SEMA4D: variants seen among roughly 807,000 people sequenced by gnomAD.
SEMA4D encodes the protein semaphorin-4D.
In SEMA4D, 22 loss-of-function variants were observed where a neutral mutation model predicts 74.8. That is an observed-to-expected ratio of 0.29 (90% CI 0.21 to 0.42). The LOEUF (loss-of-function observed/expected upper bound fraction) is 0.42, where lower values mean the gene tolerates loss of function less well. Among genes scored for constraint, SEMA4D ranks in the 10% least tolerant of loss-of-function variants. The pLI is 1.00. For synonymous variants in SEMA4D, 445 were observed against 463.7 expected (o/e 0.96, Z 0.52); for missense variants, 937 against 1,118.4 (o/e 0.84, Z 2.31).
intron 1 of SEMA4D, among the ~76,000 whole-genome samples, chr9:89,479,077 A>G (rs1378132672): frequency 6.6e-6 from 1 of 152,174 alleles, no homozygotes; most frequent in Non-Finnish European, 1.5e-5. Flanking sequence ...AGGGCTGCCC[A>G]CTGGAGCTCC....
At chr9:89,425,869 G>A (rs1481022665) in intron 2 of SEMA4D, among the ~76,000 whole-genome samples, 1 of 152,216 alleles carries the variant, frequency 6.6e-6, no homozygotes, top group Non-Finnish European at 1.5e-5. Flanking sequence ...CTGTGCTGAG[G>A]CTCCACCTGC....
At chr9:89,375,159 C>T (rs1237979198), downstream of SEMA4D, among the ~76,000 whole-genome samples, 4 of 152,214 alleles carry the variant, frequency 2.6e-5, no homozygotes, top group East Asian at 1.9e-4. Flanking sequence ...GAGACCCGCC[C>T]GCTTCCCAGC....
intron 2 of SEMA4D, among the ~76,000 whole-genome samples, chr9:89,438,972 T>A (rs1851096622): frequency 1.7e-5 from 1 of 57,598 alleles, no homozygotes; most frequent in Admixed American, 1.8e-4. Context: ...GCCTTTTTTT[T>A]TTTTTTTTTT....
At chr9:89,437,317 C>T (rs1178593575) in intron 2 of SEMA4D, among the ~76,000 whole-genome samples, 3 of 152,224 alleles carry the variant, frequency 2.0e-5, no homozygotes, top group African/African-American at 7.2e-5. Flanking sequence ...GCGGCAGGCA[C>T]CTGCCCTCAG....
intron 1 of SEMA4D, chr9:89,472,222 G>A (rs1860542211): frequency 1.2e-5 from 3 of 246,944 alleles, no homozygotes; most frequent in Admixed American, 1.0e-4. Flanking sequence ...ACTGGTGGAG[G>A]GTAAAGAACA....
intron 13 of SEMA4D, chr9:89,384,994 G>A (rs940496284): frequency 1.8e-5 from 18 of 985,336 alleles, no homozygotes; most frequent in Non-Finnish European, 2.2e-5. Flanking sequence ...GGCTCCTACA[G>A]AGACAGGCGG....
At position 89,395,196 on chromosome 9, in the gene SEMA4D, C is replaced by A. The variant is rs767498607; in HGVS notation, c.414+1541G>T. On this transcript the variant is annotated intron_variant, in intron 6 of 15. Coordinates refer to ENST00000422704, the MANE Select transcript of SEMA4D (RefSeq NM_001371194.2). Reference sequence around the variant, plus strand: ...ATACCAGCACTTTGGGAGGCCAAGGCGGGTGGATCACCTCAGGTCAGGAGT... The same window carrying A: ...ATACCAGCACTTTGGGAGGCCAAGGAGGGTGGATCACCTCAGGTCAGGAGT... Among the ~76,000 whole-genome samples, 4 of 152,168 alleles carry A rather than the reference C, an allele frequency of 2.6e-5. No homozygotes were observed. The East Asian group carries it at 7.7e-4, about 29-fold the overall frequency.
downstream of SEMA4D, chr9:89,377,164 C>A (rs1024090303): frequency 1.4e-6 from 2 of 1,431,166 alleles, no homozygotes; most frequent in Non-Finnish European, 1.8e-6. Context: ...AAGAGCGAGC[C>A]CAGCTGTCCC....
intron 6 of SEMA4D, among the ~76,000 whole-genome samples, chr9:89,394,523 G>C (rs1353129498): frequency 6.6e-6 from 1 of 152,270 alleles, no homozygotes; most frequent in Non-Finnish European, 1.5e-5. Context: ...CCGGGAACCA[G>C]AGAGCACACA....
In SEMA4D at chr9:89,388,952, G is replaced by A. The variant is rs1263241862; in HGVS notation, c.870C>T (p.Phe290=). The A allele has an allele frequency of 6.2e-7, 1 of 1,614,014 alleles. No homozygotes were observed. The highest frequency in any genetic ancestry group is 1.3e-5 in the African/African-American group (1 of 74,904). Residue 290 remains phenylalanine (F), a synonymous_variant, in exon 10 of 16, where the codon TTC becomes TTT. Coordinates refer to ENST00000422704, the MANE Select transcript of SEMA4D (RefSeq NM_001371194.2). ...ICSRPDSGLV[F]NVLRDVFVLR... ...GCACGAAGACATCCCGCAGCACATT[G>A]AAGACCAAGCCGCTGTCTGGCCGGG...
intron 2 of SEMA4D, among the ~76,000 whole-genome samples, chr9:89,452,471 C>G (rs1042144830): frequency 3.3e-5 from 5 of 151,870 alleles, no homozygotes; most frequent in African/African-American, 1.2e-4. Context: ...AGCCACCGCA[C>G]CCAGCCTTTT....
intron 6 of SEMA4D, 48 bp from the exon 7 acceptor site, chr9:89,393,703 A>C: frequency 7.2e-7 from 1 of 1,384,798 alleles, no homozygotes; most frequent in South Asian, 1.2e-5. Context: ...CTGAATTTCT[A>C]TAGTAACAAT....
At chr9:89,384,820 C>CT in intron 13 of SEMA4D, 1 of 985,402 alleles carries the variant, frequency 1.0e-6, no homozygotes, top group Non-Finnish European at 1.2e-6. Context: ...GCGGCACAGT[C>CT]TTTTTACCAC....
intron 2 of SEMA4D, chr9:89,450,360 G>A: frequency 1.0e-6 from 1 of 983,970 alleles, no homozygotes; most frequent in Non-Finnish European, 1.7e-6. Context: ...CTTCTTCAGT[G>A]ACATGAAAAG....
chr9:89,379,744 A>C, intron 15 of SEMA4D, 115 bp from the exon 16 acceptor site: 1 of 1,237,294 alleles, frequency 8.1e-7, no homozygotes, highest in Non-Finnish European at 1.1e-6. Context: ...GCAACATGGA[A>C]TCTTCCAGAA....
At position 89,387,716 on chromosome 9, in the gene SEMA4D, C is replaced by G. The variant is rs182033708; in HGVS notation, c.1108-108G>C. 773 of 837,956 alleles carry G rather than the reference C, an allele frequency of 9.2e-4. 7 individuals carry two copies. In the African/African-American group the frequency reaches 0.011, roughly 12 times the overall value. 51.9% of individuals were successfully genotyped at this position (837,956 alleles called of 1,614,324 possible). On this transcript the variant is annotated intron_variant, in intron 11 of 15. Transcript: ENST00000422704. The stretch of plus-strand genomic sequence containing the variant: ...GGGGCTGCAAAACCTGGAAACCACA[C>G]AATGCATGCCTTGAAATGAGGGTAG...
intron 2 of SEMA4D, among the ~76,000 whole-genome samples, chr9:89,442,348 T>C (rs577197886): frequency 6.6e-6 from 1 of 152,206 alleles, no homozygotes; most frequent in Non-Finnish European, 1.5e-5. Flanking sequence ...ACCTGCTCTT[T>C]CCAAGCTTGC....
At chr9:89,451,280 C>G (rs1854437335) in intron 2 of SEMA4D, among the ~76,000 whole-genome samples, 1 of 152,212 alleles carries the variant, frequency 6.6e-6, no homozygotes, top group African/African-American at 2.4e-5. Flanking sequence ...GACTCCTCAT[C>G]TGATTCAGGC....
chr9:89,365,436 TCGAGGCCCAC>T (rs1404223452), intron 16 of SEMA4D: 1 of 152,420 alleles, frequency 6.6e-6, no homozygotes, highest in Admixed American at 6.5e-5. Flanking sequence ...CTGCCCTTCC[TCGAGGCCCAC>T]CAAGGCCCCC....
Sources: allele counts gnomAD v4.1 joint callset (sites outside exome capture counted in the v4.1 genomes callset), GRCh38; gene constraint gnomAD v4.1.1; transcripts MANE v1.5; gene names NCBI Gene and HGNC (gene_info 2026-07-23, HGNC 2026-07-21).